MMP26: variants seen among roughly 807,000 people sequenced by gnomAD.
MMP26 encodes the protein matrix metalloproteinase-26.
A neutral mutation model predicts 31.0 loss-of-function variants in MMP26; 33 were observed. That is an observed-to-expected ratio of 1.06 (90% confidence interval 0.81 to 1.42). The LOEUF (loss-of-function observed/expected upper bound fraction) is 1.42, where lower values mean the gene tolerates loss of function less well. Among genes scored for constraint, MMP26 ranks in the 40% most tolerant of loss-of-function variants. The probability of loss-of-function intolerance (pLI) is 0.00; values close to 1 mark genes in which losing one functional copy is unlikely to be tolerated. For missense variants in MMP26, 347 were observed against 316.1 expected (o/e 1.10, Z -0.74); for synonymous variants, 122 against 114.9 (o/e 1.06, Z -0.40).
chr11:4,971,348 T>A (rs1160522243), intron 2 of MMP26, among the ~76,000 whole-genome samples: 2 of 152,200 alleles, frequency 1.3e-5, no homozygotes, highest in African/African-American at 4.8e-5. Flanking sequence ...GTCAAAAGTG[T>A]GTACACAGGG....
At chr11:4,757,528 A>C (rs1848519495) in intron 1 of MMP26, among the ~76,000 whole-genome samples, 1 of 152,052 alleles carries the variant, frequency 6.6e-6, no homozygotes, top group African/African-American at 2.4e-5. Context: ...TAAGAAAATA[A>C]GAATAGAGAA....
intron 2 of MMP26, among the ~76,000 whole-genome samples, chr11:4,774,273 A>G (rs567155174): frequency 9.2e-5 from 14 of 152,104 alleles, no homozygotes; most frequent in Non-Finnish European, 1.9e-4. Context: ...CTATTTCTCC[A>G]CGACCTCACC....
intron 2 of MMP26, among the ~76,000 whole-genome samples, chr11:4,868,218 G>A (rs151181955): frequency 6.6e-6 from 1 of 152,190 alleles, no homozygotes; most frequent in South Asian, 2.1e-4. Context: ...CACATGGGGG[G>A]AACAACACAC....
intron 2 of MMP26, among the ~76,000 whole-genome samples, chr11:4,886,744 C>A (rs1466554169): frequency 1.1e-5 from 1 of 92,402 alleles, no homozygotes. Context: ...GACAGACAGC[C>A]TGTTGGCAAA....
intron 2 of MMP26, chr11:4,822,552 TTA>T (rs1295739717): frequency 2.0e-6 from 1 of 508,166 alleles, no homozygotes; most frequent in African/African-American, 2.0e-5. Flanking sequence ...GCCAACTAAA[TTA>T]TGATTTTGTT....
chr11:4,945,036 A>G (rs951314512), intron 2 of MMP26: 2 of 152,166 alleles, frequency 1.3e-5, no homozygotes, highest in African/African-American at 4.8e-5. Flanking sequence ...CACTTATAGT[A>G]CACTTTATTC....
At chr11:4,985,870 T>C (rs1012732091) in intron 2 of MMP26, among the ~76,000 whole-genome samples, 8 of 152,228 alleles carry the variant, frequency 5.3e-5, no homozygotes, top group African/African-American at 1.7e-4. Flanking sequence ...ATTGTGCTCC[T>C]TTACCAACAA....
intron 2 of MMP26, chr11:4,946,518 T>G (rs561934407): frequency 1.3e-5 from 21 of 1,608,494 alleles, no homozygotes. Context: ...ACATCAATTC[T>G]GTTGTCAGAA....
intron 2 of MMP26, chr11:4,769,325 C>G (rs749009953): frequency 6.2e-7 from 1 of 1,613,382 alleles, no homozygotes; most frequent in Non-Finnish European, 8.5e-7. Context: ...TCCACAGATG[C>G]TATTTGCCCG....
intron 2 of MMP26, chr11:4,803,651 G>A (rs139182026): frequency 2.9e-5 from 46 of 1,613,922 alleles, no homozygotes; most frequent in African/African-American, 1.2e-4. Flanking sequence ...TGGGAGGAAC[G>A]TGTGCTAAAA....
chr11:4,882,239 T>A, intron 2 of MMP26: 1 of 1,613,922 alleles, frequency 6.2e-7, no homozygotes, highest in East Asian at 2.2e-5. Flanking sequence ...CTTGCTGGAG[T>A]CCTCGGTGCT....
At chr11:4,860,359 G>A (rs114893730) in intron 2 of MMP26, 5 of 471,228 alleles carry the variant, frequency 1.1e-5, no homozygotes, top group East Asian at 1.4e-4. Flanking sequence ...GTCAGTGAGA[G>A]CCAAGATAGA....
intron 2 of MMP26, chr11:4,803,466 C>G: frequency 3.1e-6 from 5 of 1,612,246 alleles, no homozygotes; most frequent in Non-Finnish European, 4.2e-6. Context: ...CTTGGATAAC[C>G]CTGTCCCCGA....
At chr11:4,921,489 A>T (rs1851184058) in intron 2 of MMP26, among the ~76,000 whole-genome samples, 2 of 152,262 alleles carry the variant, frequency 1.3e-5, no homozygotes, top group Admixed American at 1.3e-4. Flanking sequence ...TCCAGTATGG[A>T]AACACTGTAC....
chr11:4,985,331 G>A, intron 2 of MMP26, among the ~76,000 whole-genome samples: 1 of 152,140 alleles, frequency 6.6e-6, no homozygotes, highest in East Asian at 1.9e-4. Flanking sequence ...TTACAAAGTT[G>A]ATAGAGGTTA....
intron 2 of MMP26, chr11:4,803,802 A>G: frequency 6.2e-7 from 1 of 1,613,166 alleles, no homozygotes; most frequent in Non-Finnish European, 8.5e-7. Context: ...TGCTTGTATC[A>G]GCACACACCA....
chr11:4,731,033 C>T (rs1283586272), intron 1 of MMP26, among the ~76,000 whole-genome samples: 1 of 152,124 alleles, frequency 6.6e-6, no homozygotes, highest in African/African-American at 2.4e-5. Flanking sequence ...CAGCCTCCAC[C>T]TCCCAGGTTC....
intron 2 of MMP26, among the ~76,000 whole-genome samples, chr11:4,975,579 A>G (rs552020394): frequency 7.9e-5 from 12 of 152,166 alleles, no homozygotes; most frequent in African/African-American, 2.7e-4. Flanking sequence ...AGTGTATTTA[A>G]TGTTAAAATT....
chr11:4,728,604 A>G (rs1342908633), intron 1 of MMP26, among the ~76,000 whole-genome samples: 3 of 152,180 alleles, frequency 2.0e-5, no homozygotes, highest in East Asian at 1.9e-4. Context: ...GGATACTTTA[A>G]TTAGTTTTCT....
Sources: gnomAD v4.1 joint callset for allele counts (sites outside exome capture counted in the v4.1 genomes callset) on GRCh38, gnomAD v4.1.1 for gene constraint, MANE v1.5 for transcripts, NCBI Gene and HGNC (gene_info 2026-07-23, HGNC 2026-07-21) for gene names.